Variants in AXL observed in about 807,000 individuals in gnomAD.
AXL encodes the protein AXL receptor tyrosine kinase.
Under a neutral mutation model 104.5 loss-of-function variants are expected in AXL, and 52 were observed. The ratio of observed to expected loss-of-function variants is 0.50; its 90% CI spans 0.40 to 0.63. The LOEUF (loss-of-function observed/expected upper bound fraction) is 0.63. Ranked by LOEUF, AXL falls within the 20% of genes least tolerant of loss-of-function variation. AXL has a pLI of 0.00. For synonymous variants in AXL, 455 were observed against 473.7 expected, an observed-to-expected ratio of 0.96 and a Z score of 0.51; for missense variants, 1,024 against 1,188.5, an observed-to-expected ratio of 0.86 and a Z score of 2.04.
At chr19:41,240,581 C>G (rs978951103) in intron 10 of AXL, among the ~76,000 whole-genome samples, 6 of 152,140 alleles carry the variant, frequency 3.9e-5, no homozygotes, top group African/African-American at 1.4e-4. Flanking sequence ...CCTCTGGGCA[C>G]TATTATGGTT....
rs1164542857 is a variant in AXL at position 41,225,842 on chromosome 19, T to TG, written c.586+3787dup. On this transcript the variant is annotated intron_variant, in intron 4 of 19. Coordinates refer to ENST00000301178, the MANE Select transcript of AXL (RefSeq NM_021913.5). The stretch of plus-strand genomic sequence containing the variant: ...AAGTGTGATTCATTGTGAGTGTGTG[T>TG]GTGGGGGGGTTTGCTGTGTGAAGGA... 4.1e-4 allele frequency among the ~76,000 whole-genome samples: 62 copies of TG among 151,962 alleles called. No homozygotes were observed. The East Asian group carries it at 5.8e-3, about 14-fold the overall frequency.
chr19:41,219,831 G>C (rs1186207957), intron 1 of AXL, among the ~76,000 whole-genome samples: 2 of 151,736 alleles, frequency 1.3e-5, no homozygotes, highest in African/African-American at 4.8e-5. Context: ...CTTTCCGAAG[G>C]GGCACCGAGT....
At chr19:41,242,605 C>G (rs1326331030) in intron 10 of AXL, among the ~76,000 whole-genome samples, 1 of 152,164 alleles carries the variant, frequency 6.6e-6, no homozygotes, top group Non-Finnish European at 1.5e-5. Context: ...GCTGGGATAA[C>G]AGGCATGAGC....
intron 16 of AXL, 116 bp from the exon 17 acceptor site, chr19:41,253,483 T>A: frequency 1.3e-6 from 1 of 763,672 alleles, no homozygotes; most frequent in Non-Finnish European, 2.2e-6. Context: ...GGTTGAATTG[T>A]CAGGGCCATG....
At chr19:41,238,690 T>C (rs1207272732) in intron 8 of AXL, 81 bp downstream of exon 8, 2 of 1,498,486 alleles carry the variant, frequency 1.3e-6, no homozygotes, top group Non-Finnish European at 1.8e-6. Context: ...TAGATGGTTG[T>C]GAAGGTTGGG....
At chr19:41,222,143 A>G in intron 4 of AXL, 87 bp downstream of exon 4, 1 of 1,336,054 alleles carries the variant, frequency 7.5e-7, no homozygotes, top group Non-Finnish European at 9.9e-7. Context: ...CCTCTGCGTG[A>G]GTGTCTGACT....
rs564020313 is a variant in AXL at position 41,220,551 on chromosome 19, C to A, written c.86-85C>A. On this transcript the variant is annotated intron_variant, in intron 1 of 19. Coordinates refer to ENST00000301178, the MANE Select transcript of AXL (RefSeq NM_021913.5). ...AAGGGCCTGGCGGGGTCCTGGCCGC[C>A]GGTGGGCAGGCAAGGACAGGGTGGA... The A allele has an allele frequency of 8.0e-6, 10 of 1,247,936 alleles. No individual in the cohort carries two copies. In the African/African-American group the frequency reaches 1.2e-4, roughly 15 times the overall value. The allele number at this position is 1,247,936 out of a possible 1,614,324, so 77.3% of individuals were successfully genotyped here.
At position 41,259,671 on chromosome 19, in the gene AXL, G is replaced by A. The variant is rs763066660; in HGVS notation, c.2452G>A (p.Glu818Lys). 5.0e-5 allele frequency: 81 copies of A among 1,613,970 alleles called. No homozygotes were observed. Among genetic ancestry groups the A allele is most frequent in the Middle Eastern group, 1.6e-4 (1 of 6,084 alleles). The change falls in exon 20 of 20, where the codon GAA (glutamate) becomes AAA (lysine). Residue 818 changes from glutamate (E) to lysine (K), a missense_variant. Coordinates refer to ENST00000301178, the MANE Select transcript of AXL (RefSeq NM_021913.5). ...CTTGCCTCCTGCCCAGGAGCCTGAC[G>A]AAATCCTCTATGTCAACATGGATGA... ...KALPPAQEPD[E>K]ILYVNMDEGG...
Position 41,259,792 on chromosome 19 carries a change from C to T in AXL, c.2573C>T (p.Ala858Val). 1 of 1,614,140 alleles carries T rather than the reference C, an allele frequency of 6.2e-7. No individual in the cohort carries two copies. Among genetic ancestry groups the T allele is most frequent in the Non-Finnish European group, 8.5e-7 (1 of 1,180,026 alleles). ...PKDSCSCLTA[A>V]EVHPAGRYVL... ...GATTCCTGTAGCTGCCTCACTGCGG[C>T]TGAGGTCCATCCTGCTGGACGCTAT... The change falls in exon 20 of 20, where the codon GCT (alanine) becomes GTT (valine). Residue 858 changes from alanine (A) to valine (V), a missense_variant. This residue lies in a region of AXL where 523 missense variants were observed against 636.0 expected (regional missense o/e 0.82). Coordinates refer to ENST00000301178, the MANE Select transcript of AXL (RefSeq NM_021913.5).
intron 1 of AXL, among the ~76,000 whole-genome samples, chr19:41,220,130 T>C (rs2033760670): frequency 1.3e-5 from 2 of 151,690 alleles, no homozygotes; most frequent in Non-Finnish European, 2.9e-5. Context: ...CCACCTTTTC[T>C]TCTCTCTTGA....
At chr19:41,255,798 G>A (rs1445252541) in intron 17 of AXL, among the ~76,000 whole-genome samples, 5 of 151,974 alleles carry the variant, frequency 3.3e-5, no homozygotes, top group Non-Finnish European at 2.9e-5. Context: ...AGGCTGGAGT[G>A]CAGTGGCGTG....
intron 4 of AXL, among the ~76,000 whole-genome samples, chr19:41,230,623 T>C (rs2122218294): frequency 1.3e-5 from 2 of 149,774 alleles, no homozygotes; most frequent in South Asian, 4.2e-4. Flanking sequence ...AGTATGTGTG[T>C]CTATGTGTGT....
At chr19:41,234,941 G>C (rs2122227419) in intron 6 of AXL, among the ~76,000 whole-genome samples, 1 of 152,360 alleles carries the variant, frequency 6.6e-6, no homozygotes, top group Admixed American at 6.5e-5. Flanking sequence ...CTATACAGAT[G>C]TGTACACCAG....
intron 4 of AXL, among the ~76,000 whole-genome samples, chr19:41,228,274 C>T (rs1035852365): frequency 3.3e-5 from 5 of 152,034 alleles, no homozygotes; most frequent in South Asian, 2.1e-4. Flanking sequence ...TACTCAAGGC[C>T]GGGCACGGTG....
In AXL at chr19:41,243,745, C is replaced by T. The variant is rs747852734; in HGVS notation, c.1537+38C>T. The T allele has an allele frequency of 5.7e-6, 9 of 1,570,412 alleles. No individual in the cohort carries two copies. The Admixed American group carries it at 1.5e-4, about 26-fold the overall frequency. ...TATGCCCCACTGCCCTGGCCTGGAT[C>T]TAAAGGCTGTAGAGAATCTGGCCTG... On this transcript the variant is annotated intron_variant, in intron 12 of 19. Coordinates refer to ENST00000301178, the MANE Select transcript of AXL (RefSeq NM_021913.5).
intron 12 of AXL, among the ~76,000 whole-genome samples, chr19:41,245,016 C>T (rs552384443): frequency 6.1e-4 from 92 of 151,938 alleles, no homozygotes; most frequent in African/African-American, 2.0e-3. Context: ...CTGCAACCTC[C>T]GCCTCCTGGA....
At chr19:41,235,223 T>A (rs909661342) in intron 6 of AXL, among the ~76,000 whole-genome samples, 1 of 152,014 alleles carries the variant, frequency 6.6e-6, no homozygotes, top group Non-Finnish European at 1.5e-5. Flanking sequence ...TGGTGGTGCA[T>A]GCCTGTAATC....
intron 4 of AXL, among the ~76,000 whole-genome samples, chr19:41,226,202 G>C (rs751733547): frequency 1.3e-5 from 2 of 152,186 alleles, no homozygotes; most frequent in African/African-American, 4.8e-5. Flanking sequence ...TGACTCACGC[G>C]GGGGCAGGAA....
In AXL at chr19:41,219,313, G is replaced by C. The variant is rs992207619; in HGVS notation, c.-80G>C. On this transcript the variant is annotated 5_prime_UTR_variant, in exon 1 of 20. Coordinates refer to ENST00000301178, the MANE Select transcript of AXL (RefSeq NM_021913.5). ...TGCCAAATCCGGGGAGCCTGGAGCT[G>C]GGGGGAGGGCCGGGGACAGCCCGGC... 4.1e-5 allele frequency: 56 copies of C among 1,361,638 alleles called. No individual in the cohort carries two copies. The highest frequency in any genetic ancestry group is 5.3e-5 in the Non-Finnish European group (53 of 1,003,006). The allele number at this position is 1,361,638 out of a possible 1,614,324, so 84.3% of individuals were successfully genotyped here. A position where few individuals can be genotyped will look rare whatever the true frequency, so the allele number is the denominator to read the frequency against.
Sources: gnomAD v4.1 joint callset for allele counts (sites outside exome capture counted in the v4.1 genomes callset) on GRCh38, gnomAD v4.1.1 for gene constraint, gnomAD v4.1.1 regional missense constraint, MANE v1.5 for transcripts, NCBI Gene and HGNC (gene_info 2026-07-23, HGNC 2026-07-21) for gene names.